Variants in POLRMT observed in about 807,000 individuals in gnomAD.
POLRMT encodes RNA polymerase mitochondrial.
Under a neutral mutation model 132.2 loss-of-function variants are expected in POLRMT, and 114 were observed. That is an observed-to-expected ratio of 0.86 (90% CI 0.74 to 1.01). The LOEUF (loss-of-function observed/expected upper bound fraction) is 1.01, where lower values mean the gene tolerates loss of function less well. Among genes scored for constraint, POLRMT ranks in the 50% least tolerant of loss-of-function variants. The pLI, the probability that POLRMT is intolerant of heterozygous loss-of-function variation, is 0.00. For missense variants in POLRMT, 2,003 were observed against 1,729.1 expected (o/e 1.16, Z -2.81); for synonymous variants, 1,020 against 773.4 (o/e 1.32, Z -5.29).
intron 12 of POLRMT, 81 bp downstream of exon 12, chr19:619,877 G>T: frequency 1.1e-5 from 17 of 1,586,510 alleles, no homozygotes; most frequent in Non-Finnish European, 1.2e-5. Context: ...GACAGGCCAA[G>T]GTGAGGGCAC....
At chr19:630,296 C>T (rs1367394279) in intron 2 of POLRMT, 128 bp from the exon 3 acceptor site, 5 of 1,114,922 alleles carry the variant, frequency 4.5e-6, no homozygotes, top group African/African-American at 1.6e-5. Context: ...GCGTGAATTC[C>T]TCATACTTGC....
chr19:618,442 C>T (rs199581957), intron 17 of POLRMT, 46 bp downstream of exon 17: 11 of 1,438,390 alleles, frequency 7.6e-6, no homozygotes, highest in African/African-American at 2.8e-5. Flanking sequence ...AGCCAGAAGA[C>T]GCCCCTGGGA....
intron 1 of POLRMT, 122 bp from the exon 2 acceptor site, chr19:633,060 C>A: frequency 1.4e-6 from 1 of 732,362 alleles, no homozygotes; most frequent in Non-Finnish European, 2.1e-6. Context: ...TCTCGGAGCA[C>A]GGGCTTAAGT....
In POLRMT at chr19:618,595, G is replaced by T. The variant is rs199881669; in HGVS notation, c.3324-9C>A. 1.2e-6 allele frequency: 2 copies of T among 1,608,370 alleles called. No homozygotes were observed. The highest frequency in any genetic ancestry group is 2.2e-5 in the South Asian group (2 of 90,876). On this transcript the variant is annotated splice_polypyrimidine_tract_variant and intron_variant, in intron 16 of 20. Transcript: ENST00000588649. ...TACGTGTGTTGGGCTTTCTGAGGACGGAACAGGTGCCGGTGGGGGCGGCCC... is the reference window on the plus strand; with the variant it reads ...TACGTGTGTTGGGCTTTCTGAGGACTGAACAGGTGCCGGTGGGGGCGGCCC...
At position 622,236 on chromosome 19, in the gene POLRMT, C is replaced by T. The variant is rs759336425; in HGVS notation, c.1764G>A (p.Gln588=). 7 of 1,560,218 alleles carry T rather than the reference C, an allele frequency of 4.5e-6. No individual in the cohort carries two copies. In the East Asian group the frequency reaches 1.7e-4, roughly 38 times the overall value. ...GCGGCTTGTCCAGGCTGCATGGCAT[C>T]TGCGTAGCCTGCACCAGCATCTCCG... is the stretch of plus-strand genomic sequence containing the variant. ...LLAEMLVQAT[Q]MPCSLDKPHR... Residue 588 remains glutamine (Q), a synonymous_variant, in exon 9 of 21, where the codon CAG becomes CAA. Transcript: ENST00000588649.
chr19:620,884 G>T, intron 10 of POLRMT, among the ~76,000 whole-genome samples, 174 bp downstream of exon 10: 1 of 52,348 alleles, frequency 1.9e-5, no homozygotes, highest in Admixed American at 1.6e-4. Flanking sequence ...GGGGGACGTG[G>T]GGGCGCCAGG....
chr19:619,349 C>T (rs779223770), intron 13 of POLRMT, 53 bp from the exon 14 acceptor site: 19 of 1,557,998 alleles, frequency 1.2e-5, no homozygotes, highest in African/African-American at 5.4e-5. Context: ...CCGTTCACGC[C>T]CTACTCCCCC....
At chr19:618,330 A>G (rs1270077911) in intron 17 of POLRMT, 158 bp downstream of exon 17, 3 of 622,824 alleles carry the variant, frequency 4.8e-6, no homozygotes, top group Non-Finnish European at 8.3e-6. Context: ...CATTCGGGGC[A>G]CACAGCCTCA....
At chr19:620,276 C>G (rs1334197774) in intron 11 of POLRMT, 89 bp downstream of exon 11, 33 of 1,463,298 alleles carry the variant, frequency 2.3e-5, no homozygotes, top group Non-Finnish European at 2.9e-5. Context: ...GAGAATACCA[C>G]GAGCGAAGGT....
chr19:632,984 G>A (rs1350665798), intron 1 of POLRMT, 46 bp from the exon 2 acceptor site: 1 of 1,358,646 alleles, frequency 7.4e-7, no homozygotes, highest in Non-Finnish European at 9.7e-7. Flanking sequence ...GCGTGTGGGC[G>A]GGGGCCTCCA....
intron 17 of POLRMT, chr19:618,058 T>C (rs758491400): frequency 3.6e-6 from 2 of 560,528 alleles, no homozygotes; most frequent in Non-Finnish European, 6.3e-6. Context: ...AGAAGCCTCC[T>C]CGCCCCACCC....
chr19:619,812 C>G, intron 12 of POLRMT, 47 bp from the exon 13 acceptor site: 1 of 1,550,158 alleles, frequency 6.5e-7, no homozygotes, highest in Non-Finnish European at 8.7e-7. Context: ...CGCTAGCAGC[C>G]CAGGGGCCAC....
At position 621,436 on chromosome 19, in the gene POLRMT, G is replaced by C. The variant is rs1984585824; in HGVS notation, c.2262C>G (p.Arg754=). The part of the protein sequence containing the change: ...AHLPHSAAPA[R]KAELRRELAH... ...CCAGCTCACGGCGCAGCTCGGCCTT[G>C]CGGGCGGGCGCGGCGCTGTGCGGCA... Residue 754 remains arginine, a synonymous_variant, in exon 10 of 21, where the codon CGC becomes CGG. Transcript: ENST00000588649. 1 of 1,446,738 alleles carries C rather than the reference G, an allele frequency of 6.9e-7. No individual in the cohort carries two copies. The highest frequency in any genetic ancestry group is 1.5e-5 in the African/African-American group (1 of 67,180). The allele number at this position is 1,446,738 out of a possible 1,614,324, so 89.6% of individuals were successfully genotyped here.
Position 629,985 on chromosome 19 carries a change from A to C in POLRMT, c.377T>G (p.Leu126Arg). The C allele has an allele frequency of 6.2e-7, 1 of 1,613,740 alleles. No individual in the cohort carries two copies. Among genetic ancestry groups the C allele is most frequent in the Non-Finnish European group, 8.5e-7 (1 of 1,180,010 alleles). ...PVPCGRWAKI[L>R]EKDKRTQQMR... ...CTGCTGGGTCCGCTTATCCTTCTCC[A>C]GTATCTTTGCCCAGCGGCCACAGGG... Residue 126 changes from leucine (L) to arginine (R), a missense_variant, in exon 3 of 21, where the codon CTG becomes CGG. Coordinates refer to ENST00000588649, the MANE Select transcript of POLRMT (RefSeq NM_005035.4).
In POLRMT at chr19:617,410, C is replaced by T. The variant is rs749021379; in HGVS notation, c.3643+9G>A. 4.3e-6 allele frequency: 7 copies of T among 1,612,228 alleles called. No individual in the cohort carries two copies. Among genetic ancestry groups the T allele is most frequent in the Non-Finnish European group, 5.9e-6 (7 of 1,179,822 alleles). On this transcript the variant is annotated intron_variant, in intron 20 of 20. Coordinates refer to ENST00000588649, the MANE Select transcript of POLRMT (RefSeq NM_005035.4). The stretch of plus-strand genomic sequence containing the variant: ...CGAGCCACCCTTGCGAGGCTGCCCA[C>T]CCGCCTACCTGGCTTGGGCACCGCC...
chr19:618,982 G>T lies in POLRMT; in HGVS notation c.3267+15C>A. 1 of 1,549,564 alleles carries T rather than the reference G, an allele frequency of 6.5e-7. No individual in the cohort carries two copies. The highest frequency in any genetic ancestry group is 2.3e-5 in the East Asian group (1 of 43,898). Reference sequence around the variant, plus strand: ...GATGGTGGCACACTGGGGAGGGATGGGGTGGTACACTGACCTTGACCTTGG... The same window carrying T: ...GATGGTGGCACACTGGGGAGGGATGTGGTGGTACACTGACCTTGACCTTGG... On this transcript the variant is annotated intron_variant, in intron 15 of 20. Coordinates refer to ENST00000588649, the MANE Select transcript of POLRMT (RefSeq NM_005035.4).
intron 2 of POLRMT, among the ~76,000 whole-genome samples, chr19:632,538 G>A (rs577993839): frequency 2.3e-5 from 3 of 131,150 alleles, no homozygotes; most frequent in Non-Finnish European, 4.5e-5. Context: ...GGCGGGGCCG[G>A]GGGGGGGGTC....
Position 617,675 on chromosome 19 carries a change from T to G in POLRMT, c.3496-20A>C, listed in dbSNP as rs760526807. ...GCACACCTGGGCAGGAGTCAGAGGA[T>G]CCCCAGGGGTGATCAGGCAGGCTCT... On this transcript the variant is annotated intron_variant, in intron 18 of 20. Coordinates refer to ENST00000588649, the MANE Select transcript of POLRMT (RefSeq NM_005035.4). 1.9e-6 allele frequency: 3 copies of G among 1,612,266 alleles called. No individual in the cohort carries two copies. The African/African-American group carries it at 4.0e-5, about 22-fold the overall frequency.
intron 10 of POLRMT, 57 bp downstream of exon 10, chr19:621,001 C>A (rs1451759774): frequency 1.2e-6 from 1 of 858,920 alleles, no homozygotes; most frequent in African/African-American, 6.6e-5. Context: ...CGCGGGGGCG[C>A]CGGGGGAGGG....
Sources: allele counts gnomAD v4.1 joint callset (sites outside exome capture counted in the v4.1 genomes callset), GRCh38; gene constraint gnomAD v4.1.1; transcripts MANE v1.5; gene names NCBI Gene and HGNC (gene_info 2026-07-23, HGNC 2026-07-21).